The following BBOF1 variants were observed in gnomAD, a reference collection of about 807,000 sequenced individuals.
BBOF1 encodes the protein basal body orientation factor 1, also known as basal body-orientation factor 1.
BBOF1 carries 62 observed loss-of-function variants against 68.0 expected under a neutral mutation model. The ratio of observed to expected loss-of-function variants is 0.91; its 90% CI spans 0.74 to 1.13. The LOEUF is 1.13. Ranked by LOEUF, BBOF1 falls within the 50% of genes most tolerant of loss-of-function variation. The pLI is 0.00. For missense variants in BBOF1, 534 were observed against 600.1 expected (o/e 0.89, Z 1.15); for synonymous variants, 208 against 198.8 (o/e 1.05, Z -0.39).
chr14:74,056,725 G>T (rs1288860054), intron 9 of BBOF1, 181 bp from the exon 10 acceptor site: 2 of 558,024 alleles, frequency 3.6e-6, no homozygotes, highest in Non-Finnish European at 3.2e-6. Flanking sequence ...CATTCTCTAT[G>T]ATGTGATTAT....
intron 5 of BBOF1, among the ~76,000 whole-genome samples, chr14:74,043,728 T>A (rs538749661): frequency 2.0e-5 from 3 of 150,164 alleles, no homozygotes; most frequent in African/African-American, 4.9e-5. Flanking sequence ...AGACAGGGTT[T>A]CACCATGTTG....
chr14:74,036,400 C>T (rs573759064), intron 4 of BBOF1, among the ~76,000 whole-genome samples: 8 of 152,064 alleles, frequency 5.3e-5, no homozygotes, highest in East Asian at 1.9e-4. Context: ...AGTTGTCTTT[C>T]GGTGAGGCAC....
intron 11 of BBOF1, 172 bp downstream of exon 11, chr14:74,057,430 A>T: frequency 6.6e-7 from 1 of 1,510,414 alleles, no homozygotes; most frequent in South Asian, 1.3e-5. Flanking sequence ...ATATCCGTAC[A>T]AATGCATATT....
chr14:74,052,006 C>A (rs2060077996), intron 8 of BBOF1, among the ~76,000 whole-genome samples: 1 of 151,770 alleles, frequency 6.6e-6, no homozygotes, highest in Non-Finnish European at 1.5e-5. Flanking sequence ...AGATAAGATT[C>A]TTCTTCAAAA....
At chr14:74,060,686 TAG>T in intron 11 of BBOF1, 2 of 1,613,834 alleles carry the variant, frequency 1.2e-6, no homozygotes, top group Non-Finnish European at 1.7e-6. Context: ...GAGGAAAGAG[TAG>T]CATCTTCTTC....
chr14:74,047,020 A>G (rs547138967), intron 6 of BBOF1: 8 of 152,344 alleles, frequency 5.3e-5, no homozygotes, highest in African/African-American at 1.9e-4. Flanking sequence ...GAGTCACTGT[A>G]CCAAGCCACA....
At chr14:74,077,010 G>GGGT (rs1202105520) in intron 9 of BBOF1, among the ~76,000 whole-genome samples, 4 of 152,140 alleles carry the variant, frequency 2.6e-5, no homozygotes, top group Non-Finnish European at 4.4e-5. Context: ...GCTGCATGAA[G>GGGT]GGTGCCTGCA....
intron 9 of BBOF1, among the ~76,000 whole-genome samples, chr14:74,077,998 C>T (rs1052539766): frequency 3.3e-5 from 5 of 152,104 alleles, no homozygotes; most frequent in African/African-American, 4.8e-5. Flanking sequence ...CCCAACTACT[C>T]GGGAAGCTGA....
At chr14:74,033,720 T>C (rs2059630227) in intron 3 of BBOF1, among the ~76,000 whole-genome samples, 1 of 151,592 alleles carries the variant, frequency 6.6e-6, no homozygotes, top group Non-Finnish European at 1.5e-5. Flanking sequence ...ACTAAAAATA[T>C]AAAAAAATCA....
chr14:74,039,439 T>G (rs1457265860), intron 4 of BBOF1, among the ~76,000 whole-genome samples: 1 of 152,090 alleles, frequency 6.6e-6, no homozygotes, highest in Non-Finnish European at 1.5e-5. Context: ...TTTGTTTTTG[T>G]TTTTTTGAGA....
chr14:74,022,828 T>G, intron 1 of BBOF1, 88 bp from the exon 2 acceptor site: 2 of 533,878 alleles, frequency 3.7e-6, no homozygotes, highest in Non-Finnish European at 6.0e-6. Context: ...AGAGAAAAAT[T>G]TAATAGTAAT....
At chr14:74,023,447 A>G (rs915997587) in intron 2 of BBOF1, among the ~76,000 whole-genome samples, 1 of 152,148 alleles carries the variant, frequency 6.6e-6, no homozygotes, top group African/African-American at 2.4e-5. Flanking sequence ...TGATCTATAT[A>G]TTTTTTGATG....
chr14:74,072,669 ATTGCT>A, intron 9 of BBOF1: 1 of 1,579,046 alleles, frequency 6.3e-7, no homozygotes, highest in Non-Finnish European at 8.6e-7. Flanking sequence ...GTATTAGCTA[ATTGCT>A]TTGCTTTTCC....
intron 9 of BBOF1, among the ~76,000 whole-genome samples, chr14:74,074,613 T>C (rs938422667): frequency 6.6e-6 from 1 of 152,108 alleles, no homozygotes; most frequent in Non-Finnish European, 1.5e-5. Context: ...TGTGGTACAG[T>C]GTGTGCATAC....
rs140786692 is a variant in BBOF1 at position 74,060,924 on chromosome 14, T to C, written c.1578+3666T>C. Among the ~76,000 whole-genome samples the C allele has an allele frequency of 8.9e-4, 135 of 152,148 alleles. 1 individual carries two copies. The East Asian group carries it at 0.019, about 21-fold the overall frequency. ...GATCTAAAACATTTAACATAATACC[T>C]GGCAGATAGTAAACAATCAAACCTT... On this transcript the variant is annotated intron_variant, in intron 11 of 11. Coordinates refer to ENST00000394009, the MANE Select transcript of BBOF1 (RefSeq NM_025057.3).
At position 74,019,391 on chromosome 14, in the gene BBOF1, C is replaced by T. The variant is rs1246593747; in HGVS notation, c.-88C>T. 4 of 1,493,838 alleles carry T rather than the reference C, an allele frequency of 2.7e-6. No homozygotes were observed. The highest frequency in any genetic ancestry group is 1.8e-6 in the Non-Finnish European group (2 of 1,116,864). 92.5% of individuals were successfully genotyped at this position (1,493,838 alleles called of 1,614,324 possible). A position where few individuals can be genotyped will look rare whatever the true frequency, so the allele number is the denominator to read the frequency against. Reference sequence around the variant, plus strand: ...AGCGGCGCGGGTGGGGCATTGCCAGCTCGGCGTCCCGGTTCCCTTGGAGAC... The same window carrying T: ...AGCGGCGCGGGTGGGGCATTGCCAGTTCGGCGTCCCGGTTCCCTTGGAGAC... On this transcript the variant is annotated 5_prime_UTR_variant, in exon 1 of 12. Transcript: ENST00000394009.
At chr14:74,072,135 G>T in intron 9 of BBOF1, 1 of 1,610,682 alleles carries the variant, frequency 6.2e-7, no homozygotes, top group Non-Finnish European at 8.5e-7. Flanking sequence ...GGCTGAAAAG[G>T]TCTCTGTGAG....
chr14:74,060,324 G>C, intron 11 of BBOF1: 1 of 329,250 alleles, frequency 3.0e-6, no homozygotes, highest in Middle Eastern at 1.0e-3. Flanking sequence ...ACATACACTG[G>C]CTTTTCTCCC....
At chr14:74,078,420 C>T (rs2060636452) in intron 10 of BBOF1, 1 of 326,984 alleles carries the variant, frequency 3.1e-6, no homozygotes, top group Admixed American at 4.1e-5. Context: ...GTGGCATGAT[C>T]ATAGCTCACT....
Sources: allele counts gnomAD v4.1 joint callset (sites outside exome capture counted in the v4.1 genomes callset), GRCh38; gene constraint gnomAD v4.1.1; transcripts MANE v1.5; gene names NCBI Gene and HGNC (gene_info 2026-07-23, HGNC 2026-07-21).